MACROD2: variants seen among roughly 807,000 people sequenced by gnomAD.
MACROD2 encodes the protein mono-ADP ribosylhydrolase 2, also known as ADP-ribose glycohydrolase MACROD2.
A neutral mutation model predicts 70.4 loss-of-function variants in MACROD2; 36 were observed. The observed-to-expected ratio is 0.51, with a 90% CI of 0.39 to 0.68. The LOEUF is 0.68. Among genes scored for constraint, MACROD2 ranks in the 30% least tolerant of loss-of-function variants. MACROD2 has a pLI of 0.00. For missense variants in MACROD2, 496 were observed against 538.4 expected (o/e 0.92, Z 0.78); for synonymous variants, 172 against 178.8 (o/e 0.96, Z 0.30).
At chr20:16,017,026 G>T (rs1375222241) in intron 15 of MACROD2, among the ~76,000 whole-genome samples, 1 of 152,034 alleles carries the variant, frequency 6.6e-6, no homozygotes, top group Admixed American at 6.6e-5. Context: ...TTTGTATTTG[G>T]TTCCCTTGCT....
chr20:15,923,729 GAT>G lies in MACROD2; in HGVS notation c.776-9546_776-9545del, dbSNP rs1183980199. Among the ~76,000 whole-genome samples the G allele has an allele frequency of 3.7e-3, 560 of 152,320 alleles. 2 individuals are homozygous for G. Among genetic ancestry groups the G allele is most frequent in the African/African-American group, 0.013 (538 of 41,560 alleles). On this transcript the variant is annotated intron_variant, in intron 10 of 17. Transcript: ENST00000684519. ...TTACTCCTTTAGAAGGAAAGCAGGA[GAT>G]CTTAGACAAGAGCTTCCTGTGCCTA...
intron 3 of MACROD2, among the ~76,000 whole-genome samples, chr20:14,451,450 A>C (rs986987862): frequency 2.2e-4 from 33 of 152,102 alleles, no homozygotes; most frequent in Admixed American, 4.6e-4. Flanking sequence ...GTGTCTCGAC[A>C]AAAAAACAAA....
At chr20:14,784,540 G>A (rs979149592) in intron 5 of MACROD2, among the ~76,000 whole-genome samples, 4 of 151,948 alleles carry the variant, frequency 2.6e-5, no homozygotes, top group Non-Finnish European at 4.4e-5. Context: ...TGAGGGGCAG[G>A]TGCTGGCATG....
intron 3 of MACROD2, among the ~76,000 whole-genome samples, chr20:14,487,524 CATT>C (rs2084749226): frequency 6.6e-6 from 1 of 152,192 alleles, no homozygotes; most frequent in Non-Finnish European, 1.5e-5. Flanking sequence ...GTAAAGGAGT[CATT>C]ATCTATTATC....
At chr20:15,271,504 T>C (rs879533101) in intron 6 of MACROD2, among the ~76,000 whole-genome samples, 39 of 152,298 alleles carry the variant, frequency 2.6e-4, no homozygotes, top group Non-Finnish European at 4.3e-4. Context: ...GTCTATCTTA[T>C]TTACCAGTTT....
At chr20:14,679,750 A>G (rs1310017018) in intron 4 of MACROD2, among the ~76,000 whole-genome samples, 1 of 152,110 alleles carries the variant, frequency 6.6e-6, no homozygotes, top group East Asian at 1.9e-4. Context: ...CTTTTTTTCA[A>G]GTGCCACAAA....
At chr20:15,178,570 C>T (rs900485805) in intron 5 of MACROD2, among the ~76,000 whole-genome samples, 1 of 152,198 alleles carries the variant, frequency 6.6e-6, no homozygotes, top group African/African-American at 2.4e-5. Flanking sequence ...AAGATGCTTT[C>T]TCTCTTTTAA....
chr20:14,966,823 C>G (rs8125898), intron 5 of MACROD2, among the ~76,000 whole-genome samples: 2,244 of 152,174 alleles, frequency 0.015, 65 homozygotes, highest in Middle Eastern at 0.068. Flanking sequence ...TATGTACAGG[C>G]ATTTTTTTAT....
At chr20:14,436,766 C>T (rs909633120) in intron 3 of MACROD2, among the ~76,000 whole-genome samples, 2 of 152,138 alleles carry the variant, frequency 1.3e-5, no homozygotes, top group African/African-American at 4.8e-5. Flanking sequence ...TCTTCTTTGC[C>T]AATTTAACTC....
intron 6 of MACROD2, among the ~76,000 whole-genome samples, chr20:15,385,653 T>A (rs758062592): frequency 2.6e-5 from 4 of 152,204 alleles, no homozygotes; most frequent in African/African-American, 9.6e-5. Flanking sequence ...CCTAGATAGG[T>A]CCATTAATTT....
At chr20:14,706,268 G>A (rs1184187419) in intron 5 of MACROD2, among the ~76,000 whole-genome samples, 1 of 150,770 alleles carries the variant, frequency 6.6e-6, no homozygotes, top group Non-Finnish European at 1.5e-5. Flanking sequence ...GAGCAGAGAT[G>A]ATGCCACTGC....
chr20:14,236,561 T>G (rs1463892328), intron 3 of MACROD2, among the ~76,000 whole-genome samples: 1 of 152,150 alleles, frequency 6.6e-6, no homozygotes, highest in East Asian at 1.9e-4. Flanking sequence ...TAACAAACAT[T>G]TATTTACTCA....
intron 3 of MACROD2, among the ~76,000 whole-genome samples, chr20:14,103,999 C>T (rs1185425258): frequency 6.6e-6 from 1 of 152,144 alleles, no homozygotes; most frequent in African/African-American, 2.4e-5. Flanking sequence ...TACACACAGA[C>T]ACACATACAC....
intron 3 of MACROD2, among the ~76,000 whole-genome samples, chr20:14,226,607 C>T (rs990142225): frequency 6.6e-6 from 1 of 152,294 alleles, no homozygotes; most frequent in Non-Finnish European, 1.5e-5. Flanking sequence ...TCGGAGCAGC[C>T]GGCCGGCCCT....
At chr20:15,276,122 T>C (rs1425276390) in intron 6 of MACROD2, among the ~76,000 whole-genome samples, 1 of 152,174 alleles carries the variant, frequency 6.6e-6, no homozygotes, top group Non-Finnish European at 1.5e-5. Flanking sequence ...TTGATGAGGC[T>C]GGTTGCGGTA....
chr20:15,064,593 A>G (rs2073947931), intron 5 of MACROD2, among the ~76,000 whole-genome samples: 1 of 152,162 alleles, frequency 6.6e-6, no homozygotes, highest in Admixed American at 6.5e-5. Flanking sequence ...TACTGGTATC[A>G]GCCATTTCCT....
chr20:16,028,385 A>AT (rs11483358), intron 15 of MACROD2, among the ~76,000 whole-genome samples: 7,016 of 146,530 alleles, frequency 0.048, 232 homozygotes, highest in African/African-American at 0.096. Context: ...CCTGGTGGAC[A>AT]TTTTTTTTTT....
intron 8 of MACROD2, among the ~76,000 whole-genome samples, chr20:15,698,229 A>T (rs1288909730): frequency 6.6e-6 from 1 of 152,164 alleles, no homozygotes; most frequent in Non-Finnish European, 1.5e-5. Flanking sequence ...TTGTTTCAAG[A>T]TCTAGAACTC....
intron 8 of MACROD2, among the ~76,000 whole-genome samples, chr20:15,818,948 A>C (rs62194752): frequency 0.17 from 25,269 of 151,994 alleles, 2,423 homozygotes; most frequent in Middle Eastern, 0.31. Flanking sequence ...TTGACAAATG[A>C]AGTCAAAGCC....
Sources: gnomAD v4.1 joint callset for allele counts (sites outside exome capture counted in the v4.1 genomes callset) on GRCh38, gnomAD v4.1.1 for gene constraint, MANE v1.5 for transcripts, NCBI Gene and HGNC (gene_info 2026-07-23, HGNC 2026-07-21) for gene names.